ARAP1: variants seen among roughly 807,000 people sequenced by gnomAD.
The protein encoded by ARAP1 is ArfGAP with RhoGAP domain, ankyrin repeat and PH domain 1.
ARAP1 carries 76 observed loss-of-function variants against 172.2 expected under a neutral mutation model. The observed-to-expected ratio is 0.44, with a 90% CI of 0.37 to 0.53. ARAP1 has a LOEUF of 0.53. Among genes scored for constraint, ARAP1 ranks in the 20% least tolerant of loss-of-function variants. The pLI, the probability that ARAP1 is intolerant of heterozygous loss-of-function variation, is 0.00. For missense variants in ARAP1, 1,686 were observed against 1,977.5 expected, an observed-to-expected ratio of 0.85 and a Z score of 2.80; for synonymous variants, 804 against 803.3, an observed-to-expected ratio of 1.00 and a Z score of -0.01.
Position 72,709,990 on chromosome 11 carries a change from G to A in ARAP1, c.1417-14C>T, listed in dbSNP as rs745468438. The A allele has an allele frequency of 6.2e-6, 10 of 1,609,806 alleles. No homozygotes were observed. In the East Asian group the frequency reaches 1.8e-4, roughly 29 times the overall value. Reference sequence around the variant, plus strand: ...CAGGTGGTACTCCTGGAGGGCAGATGGGACGGGATGAGGGCAAGGCTTTGG... The same window carrying A: ...CAGGTGGTACTCCTGGAGGGCAGATAGGACGGGATGAGGGCAAGGCTTTGG... On this transcript the variant is annotated splice_polypyrimidine_tract_variant and intron_variant, in intron 10 of 34. Transcript: ENST00000393609.
intron 1 of ARAP1, among the ~76,000 whole-genome samples, chr11:72,737,264 G>A (rs1334438991): frequency 6.6e-6 from 1 of 152,184 alleles, no homozygotes; most frequent in Non-Finnish European, 1.5e-5. Flanking sequence ...GGTGCACTCA[G>A]TCCCAGTCCA....
At chr11:72,705,920 C>T (rs1297008005) in intron 12 of ARAP1, 30 bp from the exon 13 acceptor site, 5 of 1,610,600 alleles carry the variant, frequency 3.1e-6, no homozygotes, top group Non-Finnish European at 4.2e-6. Flanking sequence ...CCCAGAATCA[C>T]CTGGGCCCCC....
At chr11:72,692,824 G>T (rs1434413589) in intron 29 of ARAP1, 39 bp from the exon 30 acceptor site, 2 of 1,611,966 alleles carry the variant, frequency 1.2e-6, no homozygotes, top group South Asian at 2.2e-5. Flanking sequence ...AGAAGTCCCA[G>T]GTCTAGAGCC....
chr11:72,722,196 A>T (rs1030864654), intron 3 of ARAP1: 34 of 983,974 alleles, frequency 3.5e-5, no homozygotes, highest in Middle Eastern at 1.0e-3. Flanking sequence ...AGAGAGAGAG[A>T]GTGTGTGTGA....
chr11:72,696,603 C>G lies in ARAP1; in HGVS notation c.3218G>C (p.Arg1073Pro), dbSNP rs190216879. The G allele has an allele frequency of 1.2e-6, 2 of 1,605,936 alleles. No homozygotes were observed. The highest frequency in any genetic ancestry group is 2.7e-5 in the African/African-American group (2 of 74,676). Residue 1073 changes from arginine to proline, a missense_variant, in exon 23 of 35, where the codon CGG becomes CCG. Arg to Pro is a moderately radical substitution (Grantham distance 103). Coordinates refer to ENST00000393609, the MANE Select transcript of ARAP1 (RefSeq NM_001040118.3). ...TGTGGCCCGGTTGACAGGGGGCAGC[C>G]GCACCAGCAGCTCTCGGTACCTGGA... ...KVSRYRELLV[R>P]LPPVNRATVK...
rs149073379 is a variant in ARAP1, at chr11:72,697,372, C to T, written c.2904G>A (p.Ser968=). ...AGCGGTACACGATCACCGGGATATCCGAGTCCCCAAGCTGCTGCTCCGACA... is the reference window on the plus strand; with the variant it reads ...AGCGGTACACGATCACCGGGATATCTGAGTCCCCAAGCTGCTGCTCCGACA... The part of the protein sequence containing the change: ...DTLSEQQLGD[S]DIPVIVYRCV... The change falls in exon 21 of 35, where the codon TCG becomes TCA. Residue 968 remains serine (S), a synonymous_variant. Coordinates refer to ENST00000393609, the MANE Select transcript of ARAP1 (RefSeq NM_001040118.3). 17 of 1,606,732 alleles carry T rather than the reference C, an allele frequency of 1.1e-5. No individual in the cohort carries two copies. The highest frequency in any genetic ancestry group is 1.4e-5 in the Non-Finnish European group (17 of 1,176,866).
At chr11:72,708,413 GACA>G (rs1856859946) in intron 11 of ARAP1, 1 of 152,464 alleles carries the variant, frequency 6.6e-6, no homozygotes, top group Non-Finnish European at 1.5e-5. Flanking sequence ...TAGGGTTGAT[GACA>G]ACAAGAAACC....
At chr11:72,748,546 G>A (rs1858441908) in intron 1 of ARAP1, among the ~76,000 whole-genome samples, 1 of 151,608 alleles carries the variant, frequency 6.6e-6, no homozygotes, top group Non-Finnish European at 1.5e-5. Context: ...ATTTGTTATT[G>A]AACTGGTCAC....
rs925453321 is a variant in ARAP1, at chr11:72,743,382, C to T, written c.-128+8946G>A. Among the ~76,000 whole-genome samples the T allele has an allele frequency of 3.3e-5, 5 of 152,100 alleles. No homozygotes were observed. The East Asian group carries it at 9.7e-4, about 29-fold the overall frequency. On this transcript the variant is annotated intron_variant, in intron 1 of 34. Transcript: ENST00000393609. ...GAAGTGCCCCCACCCCCAACCCCCA[C>T]CTCAAATCCCTCCCCAGGGAGCCTC...
intron 13 of ARAP1, chr11:72,705,258 C>T (rs1856703687): frequency 1.3e-5 from 2 of 154,400 alleles, no homozygotes; most frequent in South Asian, 4.0e-4. Flanking sequence ...CATATATATA[C>T]CCACTGGTAC....
intron 3 of ARAP1, among the ~76,000 whole-genome samples, chr11:72,714,822 C>G (rs1325265146): frequency 6.6e-6 from 1 of 152,238 alleles, no homozygotes; most frequent in East Asian, 1.9e-4. Context: ...CTTGCTCTTG[C>G]CCAGATTTGG....
chr11:72,704,082 C>T (rs986532250), intron 14 of ARAP1, 70 bp downstream of exon 14: 3 of 1,591,808 alleles, frequency 1.9e-6, no homozygotes, highest in Non-Finnish European at 2.6e-6. Context: ...TGGGTTAAGA[C>T]AGCATGAGGA....
chr11:72,700,764 G>A (rs1441893047), intron 16 of ARAP1, among the ~76,000 whole-genome samples: 2 of 152,258 alleles, frequency 1.3e-5, no homozygotes, highest in African/African-American at 2.4e-5. Flanking sequence ...AGTACTTTGG[G>A]AGGCCAAGGC....
rs935869752 is a variant in ARAP1 at position 72,726,343 on chromosome 11, G to C, written c.509+277C>G. On this transcript the variant is annotated intron_variant, in intron 3 of 34. Transcript: ENST00000393609. This position sits in a 1 kb window ranked among gnomAD's most constrained non-coding sequence, Gnocchi z 6.5. Reference sequence around the variant, plus strand: ...CTTCTGTCCTTGGGTCTCTGGATCAGTGATGGCACGACTGTCCACCCAGCC... The same window carrying C: ...CTTCTGTCCTTGGGTCTCTGGATCACTGATGGCACGACTGTCCACCCAGCC... Among the ~76,000 whole-genome samples the C allele has an allele frequency of 5.3e-5, 8 of 152,132 alleles. No homozygotes were observed. Among genetic ancestry groups the C allele is most frequent in the African/African-American group, 1.4e-4 (6 of 41,404 alleles).
Position 72,746,696 on chromosome 11 carries a change from A to G in ARAP1, c.-128+5632T>C, listed in dbSNP as rs367949825. 4.5e-4 allele frequency among the ~76,000 whole-genome samples: 63 copies of G among 140,846 alleles called. No homozygotes were observed. In the South Asian group the frequency reaches 0.015, roughly 33 times the overall value. The allele number at this position is 140,846 out of a possible 152,430, so 92.4% of individuals were successfully genotyped here. A position where few individuals can be genotyped will look rare whatever the true frequency, so the allele number is the denominator to read the frequency against. On this transcript the variant is annotated intron_variant, in intron 1 of 34. Transcript: ENST00000393609. ...ACCCCCTCCCCCTCTCACCTGCCCA[A>G]TTTGGTTGGTTTCTGTCCTGACCTG...
chr11:72,746,043 G>A (rs2135595117), intron 1 of ARAP1, among the ~76,000 whole-genome samples: 1 of 152,312 alleles, frequency 6.6e-6, no homozygotes, highest in East Asian at 1.9e-4. Flanking sequence ...TCCTGAGCCT[G>A]GCTCTGACCC....
chr11:72,711,278 C>G, intron 8 of ARAP1, 137 bp from the exon 9 acceptor site: 1 of 1,480,568 alleles, frequency 6.8e-7, no homozygotes, highest in Non-Finnish European at 9.2e-7. Flanking sequence ...GACTGCAGCC[C>G]TCAGCAGGCA....
Position 72,693,748 on chromosome 11 carries a change from T to C in ARAP1, c.3752A>G (p.Asp1251Gly), listed in dbSNP as rs1856043507. The C allele has an allele frequency of 1.2e-6, 2 of 1,610,868 alleles. No homozygotes were observed. Among genetic ancestry groups the C allele is most frequent in the Non-Finnish European group, 1.7e-6 (2 of 1,178,600 alleles). The change falls in exon 28 of 35, where the codon GAC (aspartate) becomes GGC (glycine). Residue 1251 changes from aspartate to glycine, a missense_variant. Around this residue, in one of 5 missense-constraint regions of ARAP1, gnomAD observed 379 missense variants for 500.1 expected, o/e 0.76. Coordinates refer to ENST00000393609, the MANE Select transcript of ARAP1 (RefSeq NM_001040118.3). The surrounding 1 kb of genome is among the most constrained non-coding windows in gnomAD (Gnocchi z 4.6). ...VLPILHGLGTDSHLVVKKHQA... is the reference protein window; with the variant it reads ...VLPILHGLGTGSHLVVKKHQA... The stretch of plus-strand genomic sequence containing the variant: ...GTGCTTCTTCACCACCAGGTGGCTG[T>C]CCGTGCCCAGCCCGTGCAGGATGGG...
At chr11:72,749,699 A>T (rs1198494193) in intron 1 of ARAP1, among the ~76,000 whole-genome samples, 2 of 151,812 alleles carry the variant, frequency 1.3e-5, no homozygotes, top group Non-Finnish European at 2.9e-5. Context: ...CTGGCTAACA[A>T]GGTGAAACCC....
Sources: gnomAD v4.1 joint callset for allele counts (sites outside exome capture counted in the v4.1 genomes callset) on GRCh38, gnomAD v4.1.1 for gene constraint, gnomAD v4.1.1 regional missense constraint, Gnocchi (gnomAD v3.1) non-coding constraint, MANE v1.5 for transcripts, NCBI Gene and HGNC (gene_info 2026-07-23, HGNC 2026-07-21) for gene names.